The following SLC44A5 variants were observed in gnomAD, a reference collection of about 807,000 sequenced individuals.
SLC44A5 encodes solute carrier family 44 member 5.
SLC44A5 carries 57 observed loss-of-function variants against 101.8 expected under a neutral mutation model. The observed-to-expected ratio is 0.56, with a 90% CI of 0.45 to 0.70. The LOEUF is 0.70. Ranked by LOEUF, SLC44A5 falls within the 30% of genes least tolerant of loss-of-function variation. SLC44A5 has a pLI of 0.00. For missense variants in SLC44A5, 737 were observed against 853.1 expected, an observed-to-expected ratio of 0.86 and a Z score of 1.70; for synonymous variants, 281 against 290.9, an observed-to-expected ratio of 0.97 and a Z score of 0.35.
intron 2 of SLC44A5, among the ~76,000 whole-genome samples, chr1:75,533,622 CATGTTATTAT>C (rs1670839401): frequency 6.6e-6 from 1 of 152,186 alleles, no homozygotes; most frequent in Admixed American, 6.5e-5. Flanking sequence ...TGACGTTATC[CATGTTATTAT>C]ATGTCTTTGT....
intron 2 of SLC44A5, among the ~76,000 whole-genome samples, chr1:75,462,913 G>A (rs1405063570): frequency 6.6e-6 from 1 of 152,054 alleles, no homozygotes; most frequent in African/African-American, 2.4e-5. Context: ...CTTCAAGAGG[G>A]CAAATCTAAT....
At position 75,281,861 on chromosome 1, in the gene SLC44A5, G is replaced by A. The variant is rs140811728; in HGVS notation, c.176-6819C>T. 3.3e-3 allele frequency among the ~76,000 whole-genome samples: 501 copies of A among 152,286 alleles called. 2 individuals are homozygous for A. The highest frequency in any genetic ancestry group is 0.012 in the African/African-American group (484 of 41,566). On this transcript the variant is annotated intron_variant, in intron 5 of 23. Transcript: ENST00000370859. ...TAGATTTCAGAGGATGTATGGAAATGCCTGTATGTCCAGGCAGAAGTTTGC... is the reference window on the plus strand; with the variant it reads ...TAGATTTCAGAGGATGTATGGAAATACCTGTATGTCCAGGCAGAAGTTTGC...
chr1:75,677,149 A>G, the SLC44A5 span, among the ~76,000 whole-genome samples: 1 of 152,320 alleles, frequency 6.6e-6, no homozygotes, highest in Middle Eastern at 3.4e-3. Context: ...AGCAATAAAA[A>G]ATCATCTAAA....
At chr1:75,420,982 T>C (rs1053048990) in intron 2 of SLC44A5, among the ~76,000 whole-genome samples, 1 of 151,874 alleles carries the variant, frequency 6.6e-6, no homozygotes, top group Non-Finnish European at 1.5e-5. Flanking sequence ...AAAATGAAAA[T>C]AGCAAGCATT....
At chr1:75,436,953 C>G (rs1343077326) in intron 2 of SLC44A5, among the ~76,000 whole-genome samples, 1 of 152,092 alleles carries the variant, frequency 6.6e-6, no homozygotes, top group Non-Finnish European at 1.5e-5. Flanking sequence ...GTCAGTATCA[C>G]TGTCTTGTAC....
In SLC44A5 at chr1:75,249,657, T is replaced by C. The variant is rs530376952; in HGVS notation, c.345+1553A>G. ...TATCACTCCTTTTCTAAATGAGAGT[T>C]TGTAATTCTAATTTTTCTGTCCATG... is the stretch of plus-strand genomic sequence containing the variant. On this transcript the variant is annotated intron_variant, in intron 7 of 23. Transcript: ENST00000370859. 8.5e-5 allele frequency among the ~76,000 whole-genome samples: 13 copies of C among 152,302 alleles called. No individual in the cohort carries two copies. The South Asian group carries it at 2.3e-3, about 27-fold the overall frequency.
chr1:75,206,732 C>A, intron 23 of SLC44A5: 1 of 1,442,780 alleles, frequency 6.9e-7, no homozygotes, highest in Non-Finnish European at 9.7e-7. Flanking sequence ...GTATATGCAG[C>A]AGCCAAAGCA....
chr1:75,351,868 A>AAGAG (rs1553165360), intron 3 of SLC44A5, among the ~76,000 whole-genome samples: 6 of 58,526 alleles, frequency 1.0e-4, no homozygotes, highest in Non-Finnish European at 1.5e-4. Flanking sequence ...AAAAAAAAAA[A>AAGAG]AGAGAGAGAG....
chr1:75,720,569 T>C, the SLC44A5 span, among the ~76,000 whole-genome samples: 1 of 152,048 alleles, frequency 6.6e-6, no homozygotes, highest in East Asian at 1.9e-4. Context: ...AAGGGAAAAC[T>C]ATAACTTTAC....
chr1:75,555,908 C>T lies in SLC44A5; in HGVS notation c.-69-14392G>A, dbSNP rs115344225. ...AAGCAAAATATTAAACTTGCAACAA[C>T]ATAGATGAATCTCAAAGTAATAGTG... On this transcript the variant is annotated intron_variant, in intron 1 of 23. Transcript: ENST00000370859. Among the ~76,000 whole-genome samples, 121 of 152,198 alleles carry T rather than the reference C, an allele frequency of 8.0e-4. 1 individual carries two copies. Among genetic ancestry groups the T allele is most frequent in the African/African-American group, 2.9e-3 (119 of 41,556 alleles).
intron 2 of SLC44A5, among the ~76,000 whole-genome samples, chr1:75,476,315 G>A (rs373482341): frequency 9.8e-5 from 15 of 152,310 alleles, no homozygotes; most frequent in South Asian, 6.2e-4. Context: ...AGCTCCCAGC[G>A]TGAGTGACGC....
intron 2 of SLC44A5, among the ~76,000 whole-genome samples, chr1:75,436,195 GTAAAACC>G (rs1557781622): frequency 6.6e-6 from 1 of 152,010 alleles, no homozygotes; most frequent in Non-Finnish European, 1.5e-5. Context: ...ATGTGTGTGT[GTAAAACC>G]CTCAGTTTGG....
At chr1:75,458,554 G>T (rs1257575527) in intron 2 of SLC44A5, among the ~76,000 whole-genome samples, 1 of 152,086 alleles carries the variant, frequency 6.6e-6, no homozygotes, top group African/African-American at 2.4e-5. Context: ...TTGATCAAAG[G>T]TTGTTACATT....
At position 75,290,583 on chromosome 1, in the gene SLC44A5, C is replaced by A. The variant is rs535312177; in HGVS notation, c.175+10029G>T. Among the ~76,000 whole-genome samples the A allele has an allele frequency of 6.6e-5, 10 of 152,194 alleles. No homozygotes were observed. The East Asian group carries it at 1.9e-3, about 29-fold the overall frequency. ...GAGAGGTGTAGCCAAACTGTTGTGA[C>A]CCATCAGCAAGAGAGTCAAAGGAAG... On this transcript the variant is annotated intron_variant, in intron 5 of 23. Transcript: ENST00000370859.
At chr1:75,639,868 CAGA>C in the SLC44A5 span, among the ~76,000 whole-genome samples, 1 of 152,060 alleles carries the variant, frequency 6.6e-6, no homozygotes, top group South Asian at 2.1e-4. Context: ...AGGGGGTAGT[CAGA>C]TTTGGCTGGC....
At chr1:75,310,428 A>C (rs1450536994) in intron 4 of SLC44A5, among the ~76,000 whole-genome samples, 1 of 152,184 alleles carries the variant, frequency 6.6e-6, no homozygotes, top group Non-Finnish European at 1.5e-5. Flanking sequence ...TTTAGGGAAG[A>C]AAGTCCCTCC....
chr1:75,254,226 A>T (rs527851094), intron 6 of SLC44A5, among the ~76,000 whole-genome samples: 8 of 152,064 alleles, frequency 5.3e-5, no homozygotes, highest in African/African-American at 1.9e-4. Flanking sequence ...TTTAGTGGAG[A>T]CGTGGTTTCG....
upstream of SLC44A5, among the ~76,000 whole-genome samples, chr1:75,614,673 T>C (rs1423523882): frequency 6.6e-6 from 1 of 152,174 alleles, no homozygotes. Context: ...CACCCCTCAG[T>C]TCTCATCTGA....
intron 1 of SLC44A5, among the ~76,000 whole-genome samples, chr1:75,580,743 C>G (rs1673639006): frequency 6.6e-6 from 1 of 150,682 alleles, no homozygotes; most frequent in Admixed American, 6.7e-5. Flanking sequence ...AAGGCTGAGG[C>G]AGGAGAATCA....
Sources: gnomAD v4.1 joint callset for allele counts (sites outside exome capture counted in the v4.1 genomes callset) on GRCh38, gnomAD v4.1.1 for gene constraint, MANE v1.5 for transcripts, NCBI Gene and HGNC (gene_info 2026-07-23, HGNC 2026-07-21) for gene names.